Variants in GALNS observed in about 807,000 individuals in gnomAD.
GALNS encodes the protein galactosamine (N-acetyl)-6-sulfatase.
Under a neutral mutation model 65.9 loss-of-function variants are expected in GALNS, and 65 were observed. The ratio of observed to expected loss-of-function variants is 0.99; its 90% CI spans 0.81 to 1.21. The LOEUF is 1.21. GALNS is among the 50% of genes most tolerant of loss of function. GALNS has a pLI of 0.00. For missense variants in GALNS, 776 were observed against 700.7 expected (o/e 1.11, Z -1.21); for synonymous variants, 346 against 288.9 (o/e 1.20, Z -2.00).
Position 88,818,015 on chromosome 16 carries a change from C to A in GALNS, c.1474G>T (p.Ala492Ser). The change falls in exon 13 of 14, where the codon GCG (alanine) becomes TCG (serine). Residue 492 changes from alanine to serine, a missense_variant. Ala to Ser is a moderately conservative substitution (Grantham distance 99). Coordinates refer to ENST00000268695, the MANE Select transcript of GALNS (RefSeq NM_000512.5). ...AQPQLNVCNW[A>S]VMNWAPPGCE... is the part of the protein sequence containing the mutation. ...ACACACCAGCCACTTACCATGACCG[C>A]CCAGTTGCACACGTTGAGCTGGGGC... 6.3e-7 allele frequency: 1 copy of A among 1,582,320 alleles called. No individual in the cohort carries two copies. The highest frequency in any genetic ancestry group is 8.5e-7 in the Non-Finnish European group (1 of 1,169,704).
intron 1 of GALNS, chr16:88,856,121 C>T (rs1267943912): frequency 1.4e-6 from 1 of 699,360 alleles, no homozygotes; most frequent in Non-Finnish European, 2.6e-6. Context: ...AGGAGGCCTC[C>T]AGGCTGGCTG....
intron 1 of GALNS, chr16:88,855,528 C>T: frequency 1.4e-6 from 1 of 702,550 alleles, no homozygotes; most frequent in Non-Finnish European, 2.6e-6. Flanking sequence ...AGTCACTGCA[C>T]ACAAATAAGA....
At chr16:88,838,112 C>T (rs1286994433) in intron 4 of GALNS, among the ~76,000 whole-genome samples, 2 of 152,174 alleles carry the variant, frequency 1.3e-5, no homozygotes, top group East Asian at 1.9e-4. Flanking sequence ...CTTCCTTCCA[C>T]GTTTTCTGAA....
Position 88,835,790 on chromosome 16 carries a change from A to G in GALNS, c.693T>C (p.Ala231=). 1.9e-6 allele frequency: 3 copies of G among 1,614,168 alleles called. No individual in the cohort carries two copies. In the South Asian group the frequency reaches 3.3e-5, roughly 18 times the overall value. ...ARHHPFFLYW[A]VDATHAPVYA... ...AGACGGGTGCGTGCGTGGCGTCGAC[A>G]GCCCAGTAGAGGAAAAAGGGGTGGT... Residue 231 remains alanine, a synonymous_variant, in exon 7 of 14, where the codon GCT becomes GCC. Transcript: ENST00000268695.
In GALNS at chr16:88,824,853, G is replaced by A. The variant is rs118204437; in HGVS notation, c.1156C>T (p.Arg386Cys). ...GTGGCCGCCATCAGCGTGTCGCCAC[G>A]GTAATAGAAGATAGGCCTGTGGGAT... ...RLMDRPIFYY[R>C]GDTLMAATLG... The change falls in exon 11 of 14, where the codon CGT becomes TGT. Residue 386 changes from arginine to cysteine, a missense_variant. Coordinates refer to ENST00000268695, the MANE Select transcript of GALNS (RefSeq NM_000512.5). 58 of 1,613,150 alleles carry A rather than the reference G, an allele frequency of 3.6e-5. No homozygotes were observed. In the Admixed American group the frequency reaches 4.2e-4, roughly 12 times the overall value.
At chr16:88,850,037 C>T (rs76411923) in intron 1 of GALNS, among the ~76,000 whole-genome samples, 2,415 of 152,316 alleles carry the variant, frequency 0.016, 48 homozygotes, top group African/African-American at 0.056. Flanking sequence ...TGGCCACACA[C>T]GCCCAAAGCT....
In GALNS at chr16:88,815,749, A is replaced by G. The variant is rs943713919; in HGVS notation, c.1483-1224T>C. 2.6e-5 allele frequency: 26 copies of G among 985,320 alleles called. No individual in the cohort carries two copies. The African/African-American group carries it at 3.0e-4, about 11-fold the overall frequency. 61.0% of individuals were successfully genotyped at this position (985,320 alleles called of 1,614,324 possible). On this transcript the variant is annotated intron_variant, in intron 13 of 13. Transcript: ENST00000268695. ...CCCTAGGCGGCAGCAGGGATGCCGC[A>G]TGAGTGTCCCTGCCCCCTTGGCCAC...
chr16:88,843,311 A>T, intron 1 of GALNS: 1 of 835,810 alleles, frequency 1.2e-6, no homozygotes, highest in Admixed American at 2.6e-5. Flanking sequence ...CTGCAGTTCC[A>T]CGCTGCAACT....
At chr16:88,835,067 C>T (rs1911968337) in intron 8 of GALNS, 146 bp downstream of exon 8, 3 of 1,062,490 alleles carry the variant, frequency 2.8e-6, no homozygotes, top group African/African-American at 1.6e-5. Context: ...TTGCTCGAGG[C>T]TCGGTGACAT....
intron 1 of GALNS, among the ~76,000 whole-genome samples, chr16:88,854,246 G>A (rs151292122): frequency 2.6e-5 from 4 of 152,350 alleles, no homozygotes; most frequent in East Asian, 3.9e-4. Context: ...AGGTTCAGAC[G>A]CCAGCGCCCT....
chr16:88,832,255 CTCCAG>C (rs1453242020), intron 8 of GALNS, among the ~76,000 whole-genome samples, 154 bp from the exon 9 acceptor site: 1 of 152,124 alleles, frequency 6.6e-6, no homozygotes, highest in Non-Finnish European at 1.5e-5. Flanking sequence ...CGGGGTGGCT[CTCCAG>C]GGGCTCATCT....
chr16:88,842,355 C>T (rs1049862940), intron 2 of GALNS: 4 of 511,282 alleles, frequency 7.8e-6, no homozygotes, highest in African/African-American at 7.7e-5. Context: ...AGGAGAGACT[C>T]TCCCCAGGGA....
chr16:88,855,437 T>G, intron 1 of GALNS: 3 of 702,822 alleles, frequency 4.3e-6, no homozygotes, highest in Non-Finnish European at 7.8e-6. Context: ...AGGAGGGAGA[T>G]GCCACTCAGT....
intron 8 of GALNS, 44 bp from the exon 9 acceptor site, chr16:88,832,145 C>T (rs1274989203): frequency 2.0e-6 from 3 of 1,522,662 alleles, no homozygotes; most frequent in Admixed American, 3.5e-5. Flanking sequence ...ACCAGATGTC[C>T]CCAGGCCCTC....
rs749447726 is a variant in GALNS, at chr16:88,837,753, G to C, written c.435C>G (p.His145Gln). 1 of 1,613,998 alleles carries C rather than the reference G, an allele frequency of 6.2e-7. No individual in the cohort carries two copies. Among genetic ancestry groups the C allele is most frequent in the Non-Finnish European group, 8.5e-7 (1 of 1,180,024 alleles). ...SKIVGKWHLG[H>Q]RPQFHPLKHG... Reference sequence around the variant, plus strand: ...GCTTCAGGGGGTGGAACTGGGGCCTGTGACCCAGATGCCTGGAAACAGGAA... The same window carrying C: ...GCTTCAGGGGGTGGAACTGGGGCCTCTGACCCAGATGCCTGGAAACAGGAA... The change falls in exon 5 of 14, where the codon CAC becomes CAG. Residue 145 changes from histidine to glutamine, a missense_variant. Transcript: ENST00000268695.
intron 1 of GALNS, chr16:88,855,439 C>T: frequency 1.4e-6 from 1 of 702,842 alleles, no homozygotes; most frequent in African/African-American, 1.7e-5. Context: ...GAGGGAGATG[C>T]CACTCAGTGC....
intron 12 of GALNS, among the ~76,000 whole-genome samples, chr16:88,821,847 C>T (rs752005544): frequency 4.6e-5 from 7 of 152,162 alleles, no homozygotes; most frequent in Non-Finnish European, 8.8e-5. Flanking sequence ...AGGACCAACT[C>T]GATAGGGCAG....
intron 1 of GALNS, among the ~76,000 whole-genome samples, chr16:88,847,453 C>T (rs1967301808): frequency 6.6e-6 from 1 of 152,228 alleles, no homozygotes; most frequent in Non-Finnish European, 1.5e-5. Flanking sequence ...GGCTCCAGGA[C>T]TCACCCACAG....
rs774529414 is a variant in GALNS at position 88,856,924 on chromosome 16, G to A, written c.-47C>T. 4.7e-6 allele frequency: 7 copies of A among 1,482,778 alleles called. No individual in the cohort carries two copies. In the South Asian group the frequency reaches 5.1e-5, roughly 11 times the overall value. 91.9% of individuals were successfully genotyped at this position (1,482,778 alleles called of 1,614,324 possible). A position where few individuals can be genotyped will look rare whatever the true frequency, so the allele number is the denominator to read the frequency against. ...GCCCCGGCCAGCGAGCCGACCTAGC[G>A]AGCGTCCGCCGGCCCTTCCGGCTGG... On this transcript the variant is annotated 5_prime_UTR_variant, in exon 1 of 14. Transcript: ENST00000268695.
Sources: allele counts gnomAD v4.1 joint callset (sites outside exome capture counted in the v4.1 genomes callset), GRCh38; gene constraint gnomAD v4.1.1; transcripts MANE v1.5; gene names NCBI Gene and HGNC (gene_info 2026-07-23, HGNC 2026-07-21).